The following BBX variants were observed in gnomAD, a reference collection of about 807,000 sequenced individuals.
The protein encoded by BBX is BBX high mobility group box domain containing, also known as HMG box transcription factor BBX.
A neutral mutation model predicts 100.2 loss-of-function variants in BBX; 30 were observed. The ratio of observed to expected loss-of-function variants is 0.30; its 90% confidence interval spans 0.22 to 0.41. The LOEUF is 0.41. BBX is among the 10% of genes least tolerant of loss of function. The pLI, the probability that BBX is intolerant of heterozygous loss-of-function variation, is 1.00. For synonymous variants in BBX, 376 were observed against 388.1 expected (o/e 0.97, Z 0.37); for missense variants, 1,023 against 1,129.8 (o/e 0.91, Z 1.35).
At chr3:107,748,133 G>T in intron 9 of BBX, 94 bp downstream of exon 9, 3 of 1,033,826 alleles carry the variant, frequency 2.9e-6, no homozygotes, top group Non-Finnish European at 4.4e-6. Context: ...TGAACTTTAG[G>T]CATGCCTGTT....
In BBX at chr3:107,772,720, G is replaced by C; in HGVS notation, c.999G>C (p.Lys333Asn). The C allele has an allele frequency of 6.2e-7, 1 of 1,611,288 alleles. No homozygotes were observed. Among genetic ancestry groups the C allele is most frequent in the Non-Finnish European group, 8.5e-7 (1 of 1,179,344 alleles). The change falls in exon 11 of 18, where the codon AAG (lysine) becomes AAC (asparagine). Residue 333 changes from lysine to asparagine, a missense_variant. By Grantham distance (94) the Lys-to-Asn change is moderately conservative (BLOSUM62 0). This residue lies in a region of BBX where 348 missense variants were observed against 353.2 expected (regional missense o/e 0.99). Coordinates refer to ENST00000325805, the MANE Select transcript of BBX (RefSeq NM_001142568.3). Reference protein sequence around the residue: ...SDGGRIKELEKGKEEKEIKME... With the variant: ...SDGGRIKELENGKEEKEIKME... ...GTGGAAGAATTAAAGAATTAGAGAA[G>C]GGAAAGGAAGAAAAAGAAATTAAAA...
At chr3:107,670,307 T>C (rs1368655826) in intron 3 of BBX, among the ~76,000 whole-genome samples, 1 of 152,044 alleles carries the variant, frequency 6.6e-6, no homozygotes, top group Non-Finnish European at 1.5e-5. Context: ...AAAATGAGAT[T>C]TGTTAAAGGA....
At chr3:107,778,994 C>CATACATAT (rs2067567715) in intron 13 of BBX, among the ~76,000 whole-genome samples, 1 of 68,328 alleles carries the variant, frequency 1.5e-5, no homozygotes, top group South Asian at 7.0e-4. Flanking sequence ...CCTCCAGCAA[C>CATACATAT]ATATATATAT....
chr3:107,744,623 G>C lies in BBX; in HGVS notation c.670-7G>C, dbSNP rs1052312478. ...AAAAGAAAATATGATATCTTTCTTT[G>C]TTTCAGGTATCCTCTGGCACATGCA... On this transcript the variant is annotated splice_polypyrimidine_tract_variant and splice_region_variant and intron_variant, in intron 7 of 17. Transcript: ENST00000325805. 11 of 1,608,930 alleles carry C rather than the reference G, an allele frequency of 6.8e-6. No individual in the cohort carries two copies. The highest frequency in any genetic ancestry group is 9.4e-6 in the Non-Finnish European group (11 of 1,175,830).
intron 10 of BBX, among the ~76,000 whole-genome samples, chr3:107,769,708 A>AT (rs2066738238): frequency 6.6e-6 from 1 of 152,074 alleles, no homozygotes; most frequent in African/African-American, 2.4e-5. Context: ...AGGCTGATTG[A>AT]TTTTTGCTCA....
chr3:107,717,820 G>A (rs185565529), intron 5 of BBX, among the ~76,000 whole-genome samples: 1 of 152,184 alleles, frequency 6.6e-6, no homozygotes, highest in African/African-American at 2.4e-5. Context: ...CAATATTACT[G>A]TGGCTAAACT....
At chr3:107,611,300 T>C (rs2054832323) in intron 2 of BBX, among the ~76,000 whole-genome samples, 1 of 152,196 alleles carries the variant, frequency 6.6e-6, no homozygotes, top group Non-Finnish European at 1.5e-5. Flanking sequence ...TATAATAGTC[T>C]GTGTTTTTCT....
intron 12 of BBX, among the ~76,000 whole-genome samples, chr3:107,776,552 G>T (rs1236391730): frequency 6.6e-6 from 1 of 152,044 alleles, no homozygotes. Context: ...ACTTAAGCAG[G>T]GAGAAATGCC....
intron 2 of BBX, among the ~76,000 whole-genome samples, chr3:107,600,897 A>T (rs989083665): frequency 5.9e-5 from 9 of 152,298 alleles, no homozygotes; most frequent in African/African-American, 2.2e-4. Flanking sequence ...TTTATTGCAC[A>T]TCACAGATAC....
At chr3:107,791,115 T>A (rs768452882) in intron 14 of BBX, 125 bp from the exon 15 acceptor site, 2 of 691,600 alleles carry the variant, frequency 2.9e-6, no homozygotes, top group Non-Finnish European at 4.9e-6. Flanking sequence ...GTAATTGACA[T>A]AAAATTCAGC....
chr3:107,692,502 T>C (rs572441215), intron 3 of BBX, among the ~76,000 whole-genome samples: 25 of 152,268 alleles, frequency 1.6e-4, no homozygotes, highest in East Asian at 5.8e-4. Flanking sequence ...GTTTCATCCA[T>C]GTCCCTACAA....
In BBX at chr3:107,723,881, G is replaced by C. The variant is rs2062724176; in HGVS notation, c.406-4884G>C. On this transcript the variant is annotated intron_variant, in intron 5 of 17. Transcript: ENST00000325805. ...TGCCGCAATAAACATATGTGTGCATGTGTCTTTATAGCAGCACGATTTATA... is the reference window on the plus strand; with the variant it reads ...TGCCGCAATAAACATATGTGTGCATCTGTCTTTATAGCAGCACGATTTATA... Among the ~76,000 whole-genome samples the C allele has an allele frequency of 2.6e-5, 4 of 152,134 alleles. No individual in the cohort carries two copies. The South Asian group carries it at 8.3e-4, about 31-fold the overall frequency.
At chr3:107,758,697 C>G (rs1327283370) in intron 10 of BBX, among the ~76,000 whole-genome samples, 4 of 152,144 alleles carry the variant, frequency 2.6e-5, no homozygotes, top group African/African-American at 9.7e-5. Context: ...GCACCCCTGC[C>G]TGTTAAATAT....
intron 2 of BBX, among the ~76,000 whole-genome samples, chr3:107,617,975 A>G (rs539222261): frequency 6.6e-6 from 1 of 152,014 alleles, no homozygotes; most frequent in East Asian, 1.9e-4. Context: ...GGAAAAATAT[A>G]TTCAGTATTT....
intron 3 of BBX, among the ~76,000 whole-genome samples, chr3:107,694,742 A>G (rs1237884491): frequency 1.3e-5 from 2 of 151,138 alleles, no homozygotes; most frequent in Non-Finnish European, 2.9e-5. Context: ...CTCTTTTTCT[A>G]TTGATTGGAA....
intron 1 of BBX, 108 bp from the exon 2 acceptor site, chr3:107,526,219 G>C (rs746733916): frequency 3.0e-5 from 12 of 397,554 alleles, no homozygotes; most frequent in Non-Finnish European, 4.9e-5. Context: ...GTGGGAGCTG[G>C]ACTCCTGGGT....
intron 13 of BBX, among the ~76,000 whole-genome samples, chr3:107,788,682 G>A (rs943374025): frequency 3.9e-5 from 6 of 152,110 alleles, no homozygotes; most frequent in Admixed American, 6.6e-5. Flanking sequence ...GGCTGAGGTG[G>A]GAGGATTGCT....
At chr3:107,579,616 C>T (rs2052107949) in intron 2 of BBX, among the ~76,000 whole-genome samples, 1 of 152,166 alleles carries the variant, frequency 6.6e-6, no homozygotes. Flanking sequence ...CTTTGCAGTC[C>T]CTCCCATCCC....
At chr3:107,684,645 G>A (rs541367861) in intron 3 of BBX, 2 of 152,270 alleles carry the variant, frequency 1.3e-5, no homozygotes, top group African/African-American at 4.8e-5. Context: ...CTGAATTTCA[G>A]GGAACAGTTT....
Sources: allele counts gnomAD v4.1 joint callset (sites outside exome capture counted in the v4.1 genomes callset), GRCh38; gene constraint gnomAD v4.1.1; regional missense constraint gnomAD v4.1.1; transcripts MANE v1.5; gene names NCBI Gene and HGNC (gene_info 2026-07-23, HGNC 2026-07-21).